Variants in ZCWPW2 observed in about 807,000 individuals in gnomAD.
ZCWPW2 encodes the protein zinc finger CW-type and PWWP domain containing 2.
Under a neutral mutation model 46.6 loss-of-function variants are expected in ZCWPW2, and 45 were observed. The ratio of observed to expected loss-of-function variants is 0.96; its 90% CI spans 0.76 to 1.24. The LOEUF is 1.24. ZCWPW2 is among the 50% of genes most tolerant of loss of function. The pLI is 0.00. For missense variants in ZCWPW2, 429 were observed against 403.9 expected (o/e 1.06, Z -0.53); for synonymous variants, 152 against 137.1 (o/e 1.11, Z -0.76).
chr3:28,372,328 A>T (rs1705363047), intron 1 of ZCWPW2, among the ~76,000 whole-genome samples: 1 of 152,174 alleles, frequency 6.6e-6, no homozygotes, highest in South Asian at 2.1e-4. Flanking sequence ...AAAGACATGG[A>T]AGTTTTTAGA....
intron 5 of ZCWPW2, among the ~76,000 whole-genome samples, chr3:28,488,609 A>G (rs1288761205): frequency 6.6e-6 from 1 of 152,200 alleles, no homozygotes; most frequent in Non-Finnish European, 1.5e-5. Context: ...GGTTGTAAGT[A>G]AAAAATCAAT....
intron 1 of ZCWPW2, among the ~76,000 whole-genome samples, chr3:28,378,266 T>C (rs1705564948): frequency 6.6e-6 from 1 of 151,926 alleles, no homozygotes; most frequent in Non-Finnish European, 1.5e-5. Flanking sequence ...TAAAGATAAA[T>C]GTAGTTTAAA....
chr3:28,369,725 CT>C (rs1705244451), intron 1 of ZCWPW2, among the ~76,000 whole-genome samples: 1 of 152,214 alleles, frequency 6.6e-6, no homozygotes, highest in Admixed American at 6.5e-5. Flanking sequence ...ATTCTGCTGC[CT>C]TTTGTTTCGC....
At chr3:28,422,843 A>G (rs1696850284) in intron 3 of ZCWPW2, among the ~76,000 whole-genome samples, 1 of 152,074 alleles carries the variant, frequency 6.6e-6, no homozygotes, top group Non-Finnish European at 1.5e-5. Flanking sequence ...TTGCATTCCC[A>G]ACAGTGTTGC....
intron 4 of ZCWPW2, among the ~76,000 whole-genome samples, chr3:28,435,545 G>T (rs1697447777): frequency 6.7e-6 from 1 of 149,404 alleles, no homozygotes; most frequent in Non-Finnish European, 1.5e-5. Flanking sequence ...GAGTGCAATG[G>T]CGCGATCTCG....
intron 1 of ZCWPW2, among the ~76,000 whole-genome samples, chr3:28,367,457 G>T (rs1024433789): frequency 6.6e-6 from 1 of 152,182 alleles, no homozygotes; most frequent in Admixed American, 6.5e-5. Context: ...GTGTGGTTTT[G>T]AGTGAGTTTC....
chr3:28,458,612 G>T (rs1023615731), intron 4 of ZCWPW2, among the ~76,000 whole-genome samples: 2 of 152,080 alleles, frequency 1.3e-5, no homozygotes, highest in African/African-American at 4.8e-5. Context: ...ACAAACTCCA[G>T]ATTTTTATAC....
Position 28,444,975 on chromosome 3 carries a change from T to G in ZCWPW2, c.492+9706T>G, listed in dbSNP as rs1415095803. On this transcript the variant is annotated intron_variant, in intron 4 of 9. Transcript: ENST00000383768. Reference sequence around the variant, plus strand: ...GAGTATCAGTGTTTCTATACTGATATGCTCTATAGAAATAGAGTCCTTAGC... The same window carrying G: ...GAGTATCAGTGTTTCTATACTGATAGGCTCTATAGAAATAGAGTCCTTAGC... Among the ~76,000 whole-genome samples, 3 of 152,062 alleles carry G rather than the reference T, an allele frequency of 2.0e-5. No individual in the cohort carries two copies. In the East Asian group the frequency reaches 5.8e-4, roughly 29 times the overall value.
chr3:28,352,259 C>T (rs2125684861), intron 1 of ZCWPW2, among the ~76,000 whole-genome samples: 1 of 152,176 alleles, frequency 6.6e-6, no homozygotes. Context: ...AGTCTCTGAA[C>T]TGGGCAACAT....
intron 3 of ZCWPW2, among the ~76,000 whole-genome samples, chr3:28,425,685 A>G (rs1198469425): frequency 6.6e-6 from 1 of 152,242 alleles, no homozygotes; most frequent in African/African-American, 2.4e-5. Context: ...TTATATCTAT[A>G]TAATAAAAAC....
intron 4 of ZCWPW2, among the ~76,000 whole-genome samples, chr3:28,449,543 G>A (rs1698142544): frequency 2.0e-5 from 3 of 152,164 alleles, no homozygotes; most frequent in Admixed American, 2.0e-4. Flanking sequence ...GGAAGTTATT[G>A]TTTAATGGAC....
At chr3:28,522,621 GATT>G (rs1450598225) in intron 9 of ZCWPW2, among the ~76,000 whole-genome samples, 7 of 152,152 alleles carry the variant, frequency 4.6e-5, no homozygotes, top group Non-Finnish European at 7.4e-5. Flanking sequence ...CTACTATGGA[GATT>G]ATTATGCTAA....
chr3:28,402,152 GATAA>G (rs1394156670), intron 2 of ZCWPW2, among the ~76,000 whole-genome samples: 2 of 151,862 alleles, frequency 1.3e-5, no homozygotes, highest in Non-Finnish European at 2.9e-5. Flanking sequence ...TCTTTGAAAA[GATAA>G]ATAAAACTTT....
At chr3:28,411,755 G>A (rs1396232010) in intron 2 of ZCWPW2, among the ~76,000 whole-genome samples, 1 of 151,964 alleles carries the variant, frequency 6.6e-6, no homozygotes, top group Non-Finnish European at 1.5e-5. Flanking sequence ...TTGCCTTTAT[G>A]CATTTTCTCA....
intron 6 of ZCWPW2, among the ~76,000 whole-genome samples, chr3:28,495,895 T>C (rs1233737028): frequency 6.6e-6 from 1 of 152,008 alleles, no homozygotes; most frequent in Non-Finnish European, 1.5e-5. Flanking sequence ...CACTAGATAT[T>C]CTGAGATGCA....
intron 5 of ZCWPW2, among the ~76,000 whole-genome samples, chr3:28,485,849 T>C (rs574012674): frequency 4.3e-4 from 66 of 152,274 alleles, no homozygotes; most frequent in African/African-American, 1.4e-3. Context: ...TATTGCCCTT[T>C]TTCTTTGTTA....
chr3:28,380,739 T>C (rs1196923551), intron 1 of ZCWPW2, among the ~76,000 whole-genome samples: 1 of 151,622 alleles, frequency 6.6e-6, no homozygotes, highest in African/African-American at 2.4e-5. Flanking sequence ...CATTTTTCCC[T>C]ACATGGAATA....
chr3:28,428,917 TCAATTTAA>T (rs1697132795), intron 3 of ZCWPW2, among the ~76,000 whole-genome samples: 1 of 152,062 alleles, frequency 6.6e-6, no homozygotes, highest in Non-Finnish European at 1.5e-5. Context: ...AACTGGGGAG[TCAATTTAA>T]CCTCTTTCCT....
chr3:28,502,663 T>C (rs1156976867), intron 6 of ZCWPW2, among the ~76,000 whole-genome samples: 2 of 152,018 alleles, frequency 1.3e-5, no homozygotes, highest in African/African-American at 4.8e-5. Context: ...GCAAGTAGTG[T>C]AAGAAATGTT....
Sources: gnomAD v4.1 joint callset for allele counts (sites outside exome capture counted in the v4.1 genomes callset) on GRCh38, gnomAD v4.1.1 for gene constraint, MANE v1.5 for transcripts, NCBI Gene and HGNC (gene_info 2026-07-23, HGNC 2026-07-21) for gene names.